The following ELF2 variants were observed in gnomAD, a reference collection of about 807,000 sequenced individuals.
ELF2 encodes the protein ETS-related transcription factor Elf-2.
ELF2 carries 11 observed loss-of-function variants against 54.8 expected under a neutral mutation model. The observed-to-expected ratio is 0.20, with a 90% CI of 0.13 to 0.33. ELF2 has a LOEUF of 0.33. Among genes scored for constraint, ELF2 ranks in the 10% least tolerant of loss-of-function variants. The pLI, the probability that ELF2 is intolerant of heterozygous loss-of-function variation, is 1.00. For missense variants in ELF2, 513 were observed against 703.0 expected, an observed-to-expected ratio of 0.73 and a Z score of 3.06; for synonymous variants, 203 against 245.1, an observed-to-expected ratio of 0.83 and a Z score of 1.61.
intron 1 of ELF2, among the ~76,000 whole-genome samples, chr4:139,157,521 G>A (rs556553350): frequency 2.2e-4 from 33 of 152,096 alleles, no homozygotes; most frequent in African/African-American, 7.7e-4. Context: ...CCTGCCTCAG[G>A]CTCCTGAGTA....
chr4:139,134,822 A>C (rs1737964676), intron 3 of ELF2, among the ~76,000 whole-genome samples: 1 of 151,538 alleles, frequency 6.6e-6, no homozygotes, highest in Non-Finnish European at 1.5e-5. Flanking sequence ...TAGGGGTTAC[A>C]GGTATGAGCC....
In ELF2 at chr4:139,067,711, T is replaced by C. The variant is rs1728918969; in HGVS notation, c.586A>G (p.Ile196Val). The change falls in exon 7 of 10, where the codon ATA becomes GTA. Residue 196 changes from isoleucine to valine, a missense_variant. By Grantham distance (29) the Ile-to-Val change is conservative. Transcript: ENST00000686138. ...PISNGSPELG[I>V]KKKPREGKGN... ...TTTCCTTCTCTTGGTTTCTTCTTTA[T>C]ACCTAACTCAGGAGACCCATTGGAA... The C allele has an allele frequency of 1.2e-6, 2 of 1,611,802 alleles. No homozygotes were observed. Among genetic ancestry groups the C allele is most frequent in the Middle Eastern group, 1.7e-4 (1 of 6,058 alleles).
chr4:139,088,284 T>TAAAA (rs10713739), intron 4 of ELF2, among the ~76,000 whole-genome samples: 25 of 112,252 alleles, frequency 2.2e-4, no homozygotes, highest in African/African-American at 8.6e-4. Flanking sequence ...AGACTCTGTC[T>TAAAA]AAAAAAAAAA....
In ELF2 at chr4:139,057,465, T is replaced by G. The variant is rs970302062; in HGVS notation, c.*1518A>C. The G allele has an allele frequency of 6.6e-6, 1 of 152,146 alleles. No individual in the cohort carries two copies. Among genetic ancestry groups the G allele is most frequent in the Admixed American group, 6.5e-5 (1 of 15,276 alleles). The allele number at this position is 152,146 out of a possible 1,614,324, so 9.4% of individuals were successfully genotyped here. On this transcript the variant is annotated 3_prime_UTR_variant, in exon 10 of 10. Coordinates refer to ENST00000686138, the MANE Select transcript of ELF2 (RefSeq NM_001331036.3). ...GTAGAAAGAGCATTAAGATATGGAG[T>G]GACAGACAGTAGTAAAATTACATAG...
chr4:139,084,410 A>G (rs1731685759), intron 4 of ELF2: 15 of 1,298,948 alleles, frequency 1.2e-5, no homozygotes, highest in Non-Finnish European at 1.5e-5. Context: ...CCACCACCTA[A>G]CGGCAGGGGC....
intron 3 of ELF2, among the ~76,000 whole-genome samples, chr4:139,134,026 T>C (rs1050333133): frequency 6.6e-5 from 10 of 152,202 alleles, no homozygotes; most frequent in Admixed American, 4.6e-4. Flanking sequence ...CAGTGCAATG[T>C]TGAATAAAGG....
intron 1 of ELF2, among the ~76,000 whole-genome samples, chr4:139,163,031 A>G (rs1741333200): frequency 6.6e-6 from 1 of 152,122 alleles, no homozygotes; most frequent in Non-Finnish European, 1.5e-5. Flanking sequence ...CCAGAGTTCA[A>G]GTTATAGTAC....
At chr4:139,169,654 G>A (rs954805106) in intron 1 of ELF2, among the ~76,000 whole-genome samples, 2 of 151,996 alleles carry the variant, frequency 1.3e-5, no homozygotes, top group African/African-American at 2.4e-5. Flanking sequence ...TCAGGAGATC[G>A]AGACCATCCT....
intron 4 of ELF2, chr4:139,084,051 G>A (rs1731596594): frequency 1.2e-6 from 2 of 1,604,350 alleles, no homozygotes; most frequent in Middle Eastern, 1.6e-4. Flanking sequence ...AGCACAGACT[G>A]CTACAGGGGA....
chr4:139,107,899 G>C (rs1044598480), intron 4 of ELF2, among the ~76,000 whole-genome samples: 1 of 152,000 alleles, frequency 6.6e-6, no homozygotes, highest in African/African-American at 2.4e-5. Context: ...TAAAAACAGA[G>C]GGGCTGAGTT....
intron 1 of ELF2, among the ~76,000 whole-genome samples, chr4:139,149,252 A>G (rs1247053335): frequency 6.6e-6 from 1 of 152,258 alleles, no homozygotes; most frequent in Non-Finnish European, 1.5e-5. Flanking sequence ...GTCTCTGGAC[A>G]TAAATCAATA....
At position 139,058,385 on chromosome 4, in the gene ELF2, T is replaced by C. The variant is rs1356403771; in HGVS notation, c.*598A>G. On this transcript the variant is annotated 3_prime_UTR_variant, in exon 10 of 10. Coordinates refer to ENST00000686138, the MANE Select transcript of ELF2 (RefSeq NM_001331036.3). ...GCCTTTGTTTTAAATCAGCTTAAGC[T>C]ATATGATATATATATATGTATGTAT... 7.5e-6 allele frequency: 1 copy of C among 133,956 alleles called. No individual in the cohort carries two copies. 8.3% of individuals were successfully genotyped at this position (133,956 alleles called of 1,614,324 possible). A position where few individuals can be genotyped will look rare whatever the true frequency, so the allele number is the denominator to read the frequency against.
Position 139,061,957 on chromosome 4 carries a change from G to A in ELF2, c.714C>T (p.Phe238=). The change falls in exon 8 of 10, where the codon TTC becomes TTT. Residue 238 remains phenylalanine (F), a synonymous_variant. Transcript: ENST00000686138. ...AGACAGCCTTTGAATCCACCAGCTT[G>A]AATATGCCTTTTTCTCTCTGAGTCC... The part of the protein sequence containing the change: ...IKWTQREKGI[F]KLVDSKAVSK... 3 of 1,613,904 alleles carry A rather than the reference G, an allele frequency of 1.9e-6. No homozygotes were observed. The highest frequency in any genetic ancestry group is 2.2e-5 in the South Asian group (2 of 91,080).
chr4:139,085,699 C>A (rs528016607), intron 4 of ELF2, among the ~76,000 whole-genome samples: 10 of 152,342 alleles, frequency 6.6e-5, no homozygotes, highest in African/African-American at 2.2e-4. Flanking sequence ...AAATAAGGAT[C>A]TCTTTCTTGA....
intron 1 of ELF2, among the ~76,000 whole-genome samples, chr4:139,171,677 AC>A (rs1382504322): frequency 5.7e-4 from 86 of 152,108 alleles, no homozygotes; most frequent in African/African-American, 1.9e-3. Flanking sequence ...TAATCCTAGC[AC>A]TTTGGGAGGC....
intron 1 of ELF2, among the ~76,000 whole-genome samples, chr4:139,173,857 G>A (rs1406746057): frequency 6.6e-6 from 1 of 151,708 alleles, no homozygotes; most frequent in Non-Finnish European, 1.5e-5. Flanking sequence ...AGAGGCCAAA[G>A]AGAGAGGATT....
Position 139,135,235 on chromosome 4 carries a change from A to ATG in ELF2, c.72+2394_72+2395insCA, listed in dbSNP as rs768773968. 6.5e-3 allele frequency among the ~76,000 whole-genome samples: 864 copies of ATG among 131,910 alleles called. 5 individuals carry two copies. The highest frequency in any genetic ancestry group is 0.014 in the African/African-American group (456 of 31,836). 86.5% of individuals were successfully genotyped at this position (131,910 alleles called of 152,430 possible). On this transcript the variant is annotated intron_variant, in intron 3 of 9. Coordinates refer to ENST00000686138, the MANE Select transcript of ELF2 (RefSeq NM_001331036.3). ...TTCTATTATACATATACTACTATAT[A>ATG]TATGTGTGTGTGTGTGTGTGTGTGT...
chr4:139,088,297 A>G (rs1394991464), intron 4 of ELF2, among the ~76,000 whole-genome samples: 2 of 151,890 alleles, frequency 1.3e-5, no homozygotes, highest in Non-Finnish European at 2.9e-5. Flanking sequence ...AAAAAAAAAA[A>G]AAAAAAAAAT....
chr4:139,114,439 C>T (rs373891683), intron 4 of ELF2, among the ~76,000 whole-genome samples: 10 of 151,704 alleles, frequency 6.6e-5, no homozygotes, highest in East Asian at 3.9e-4. Context: ...TGTGGTGGTG[C>T]GCGCCTGTAA....
Sources: gnomAD v4.1 joint callset for allele counts (sites outside exome capture counted in the v4.1 genomes callset) on GRCh38, gnomAD v4.1.1 for gene constraint, MANE v1.5 for transcripts, NCBI Gene and HGNC (gene_info 2026-07-23, HGNC 2026-07-21) for gene names.